NPIPB7: variants seen among roughly 807,000 people sequenced by gnomAD.
NPIPB7 encodes the protein nuclear pore complex-interacting protein family member B7.
For missense variants in NPIPB7, 14 were observed against 238.5 expected (o/e 0.06, Z 6.20); for synonymous variants, 9 against 88.1 (o/e 0.10, Z 5.03).
At chr16:28,470,817 G>C (rs2045945468), upstream of NPIPB7, among the ~76,000 whole-genome samples, 1 of 143,668 alleles carries the variant, frequency 7.0e-6, no homozygotes, top group Non-Finnish European at 1.6e-5. Context: ...GATCAGGGAA[G>C]CAACAGGACA....
chr16:28,470,175 C>T (rs2045935176), intron 1 of NPIPB7, among the ~76,000 whole-genome samples, 198 bp downstream of exon 1: 1 of 134,632 alleles, frequency 7.4e-6, no homozygotes. Flanking sequence ...CCAGGCCCGA[C>T]TAATCTTTTT....
chr16:28,461,947 C>CAAAA (rs56100146), intron 4 of NPIPB7, among the ~76,000 whole-genome samples: 196 of 90,370 alleles, frequency 2.2e-3, no homozygotes, highest in East Asian at 0.011. Flanking sequence ...GACTCTGTCT[C>CAAAA]AAAAAAAAAA....
At chr16:28,462,021 G>C (rs2045873701) in intron 4 of NPIPB7, among the ~76,000 whole-genome samples, 1 of 148,076 alleles carries the variant, frequency 6.8e-6, no homozygotes, top group Non-Finnish European at 1.5e-5. Flanking sequence ...TCAGGAAGCT[G>C]AGGCAGAATT....
chr16:28,459,468 ACT>A (rs1289348408), intron 4 of NPIPB7, among the ~76,000 whole-genome samples: 5 of 51,138 alleles, frequency 9.8e-5, no homozygotes, highest in Non-Finnish European at 7.9e-5. Context: ...TGTTTTGTGA[ACT>A]CTCTCTCTCT....
chr16:28,465,445 A>C (rs2045900635), intron 2 of NPIPB7, among the ~76,000 whole-genome samples: 1 of 119,836 alleles, frequency 8.3e-6, no homozygotes, highest in Non-Finnish European at 1.8e-5. Flanking sequence ...AGATCACACC[A>C]TTATACTCCA....
At chr16:28,463,564 T>C (rs2045885284) in intron 2 of NPIPB7, among the ~76,000 whole-genome samples, 1 of 140,496 alleles carries the variant, frequency 7.1e-6, no homozygotes, top group African/African-American at 2.7e-5. Context: ...CTGTCTCTGC[T>C]AAAAATACAA....
intron 2 of NPIPB7, among the ~76,000 whole-genome samples, chr16:28,465,422 T>G: frequency 1.0e-5 from 1 of 98,340 alleles, no homozygotes; most frequent in South Asian, 3.8e-4. Context: ...GAGGTGGAGG[T>G]TGCAGTGAGC....
At chr16:28,463,424 CACACA>C in intron 2 of NPIPB7, among the ~76,000 whole-genome samples, 1 of 113,874 alleles carries the variant, frequency 8.8e-6, no homozygotes, top group East Asian at 3.0e-4. Context: ...CACACACACA[CACACA>C]CACAAGAATG....
chr16:28,471,863 C>G (rs1050064824), upstream of NPIPB7, among the ~76,000 whole-genome samples: 1 of 151,962 alleles, frequency 6.6e-6, no homozygotes, highest in Non-Finnish European at 1.5e-5. Context: ...CATGATTGAC[C>G]TCTCAGGGAT....
intron 2 of NPIPB7, among the ~76,000 whole-genome samples, chr16:28,463,706 A>G (rs1795537828): frequency 1.2e-5 from 1 of 83,486 alleles, no homozygotes; most frequent in South Asian, 4.4e-4. Flanking sequence ...AAACCTGGGC[A>G]ACAAAATTGA....
At chr16:28,463,638 A>T (rs1474011486) in intron 2 of NPIPB7, among the ~76,000 whole-genome samples, 81 of 134,732 alleles carry the variant, frequency 6.0e-4, no homozygotes, top group Middle Eastern at 3.5e-3. Flanking sequence ...AGGCAGGAGA[A>T]TCACTTGAAC....
intron 1 of NPIPB7, among the ~76,000 whole-genome samples, chr16:28,468,762 GCA>G (rs2045921007): frequency 8.9e-6 from 1 of 112,322 alleles, no homozygotes; most frequent in Non-Finnish European, 2.0e-5. Context: ...AGCCGAGATC[GCA>G]CCACTGCACT....
upstream of NPIPB7, among the ~76,000 whole-genome samples, chr16:28,472,242 G>A (rs951033074): frequency 4.6e-5 from 7 of 151,938 alleles, no homozygotes; most frequent in South Asian, 2.1e-4. Flanking sequence ...GTGAGACACC[G>A]TCTCTACCAA....
chr16:28,470,513 G>A (rs1223659938), exon 1 of NPIPB7: 4 of 1,085,128 alleles, frequency 3.7e-6, no homozygotes, highest in African/African-American at 4.6e-5. Context: ...GGGAGGGAAG[G>A]GGACGGGGAC....
intron 4 of NPIPB7, among the ~76,000 whole-genome samples, chr16:28,462,133 A>T (rs552194273): frequency 7.3e-5 from 11 of 150,694 alleles, no homozygotes; most frequent in Non-Finnish European, 1.0e-4. Context: ...TAAAAAAAAA[A>T]AAAAGGCTGG....
intron 4 of NPIPB7, among the ~76,000 whole-genome samples, chr16:28,461,891 TG>T (rs1478129342): frequency 7.6e-6 from 1 of 132,308 alleles, no homozygotes; most frequent in Non-Finnish European, 1.5e-5. Flanking sequence ...GAGGTTGCAG[TG>T]AGCCAAGATC....
At chr16:28,472,236 G>T (rs1302721840), upstream of NPIPB7, among the ~76,000 whole-genome samples, 1 of 151,954 alleles carries the variant, frequency 6.6e-6, no homozygotes, top group Admixed American at 6.6e-5. Context: ...AACATAGTGA[G>T]ACACCGTCTC....
chr16:28,470,800 C>T (rs1180886970), upstream of NPIPB7, among the ~76,000 whole-genome samples: 10 of 146,180 alleles, frequency 6.8e-5, no homozygotes, highest in East Asian at 2.1e-4. Context: ...CTACAGGTCA[C>T]GGAGAAGATC....
At chr16:28,459,468 A>ACTCT (rs1289348408) in intron 4 of NPIPB7, among the ~76,000 whole-genome samples, 23 of 51,156 alleles carry the variant, frequency 4.5e-4, no homozygotes, top group African/African-American at 1.8e-3. Context: ...TGTTTTGTGA[A>ACTCT]CTCTCTCTCT....
Sources: gnomAD v4.1 joint callset for allele counts (sites outside exome capture counted in the v4.1 genomes callset) on GRCh38, gnomAD v4.1.1 for gene constraint, MANE v1.5 for transcripts, NCBI Gene and HGNC (gene_info 2026-07-23, HGNC 2026-07-21) for gene names.